The following ATP7B variants were observed in gnomAD, a reference collection of about 807,000 sequenced individuals.
ATP7B encodes the protein ATPase copper transporting beta.
In ATP7B, 113 loss-of-function variants were observed where a neutral mutation model predicts 118.9. The ratio of observed to expected loss-of-function variants is 0.95; its 90% CI spans 0.82 to 1.11. The LOEUF (loss-of-function observed/expected upper bound fraction) is 1.11. Among genes scored for constraint, ATP7B ranks in the 50% most tolerant of loss-of-function variants. The probability of loss-of-function intolerance (pLI) is 0.00; values close to 1 mark genes in which losing one functional copy is unlikely to be tolerated. For missense variants in ATP7B, 1,867 were observed against 1,871.4 expected (o/e 1.00, Z 0.04); for synonymous variants, 777 against 727.4 (o/e 1.07, Z -1.10).
At chr13:51,986,460 A>C (rs1952654798) in intron 1 of ATP7B, among the ~76,000 whole-genome samples, 1 of 152,236 alleles carries the variant, frequency 6.6e-6, no homozygotes, top group Non-Finnish European at 1.5e-5. Context: ...GATCAGGTGG[A>C]TACACAGTCA....
chr13:51,949,612 G>A (rs779233632), intron 12 of ATP7B, 50 bp downstream of exon 12: 2 of 1,598,842 alleles, frequency 1.3e-6, no homozygotes, highest in Non-Finnish European at 1.7e-6. Flanking sequence ...ATCAATGTCA[G>A]TAGATTATTT....
rs72552285 is a variant in ATP7B at position 51,961,859 on chromosome 13, C to G, written c.1924G>C (p.Asp642His). The G allele has an allele frequency of 8.1e-6, 13 of 1,613,994 alleles. No individual in the cohort carries two copies. In the Middle Eastern group the frequency reaches 6.6e-4, roughly 82 times the overall value. ...TACTGCTTTATTTCCATCTTGTGGTCCAAGTGATGAGCGTTGGGGTTTCTC... is the reference window on the plus strand; with the variant it reads ...TACTGCTTTATTTCCATCTTGTGGTGCAAGTGATGAGCGTTGGGGTTTCTC... ...AQRNPNAHHL[D>H]HKMEIKQWKK... Residue 642 changes from aspartate to histidine, a missense_variant, in exon 6 of 21, where the codon GAC becomes CAC. Physicochemically the swap from Asp to His is moderately conservative, Grantham distance 81. Transcript: ENST00000242839.
chr13:51,992,871 T>C (rs1468272114), intron 1 of ATP7B, among the ~76,000 whole-genome samples: 2 of 147,618 alleles, frequency 1.4e-5, no homozygotes, highest in African/African-American at 5.0e-5. Context: ...CCAGCTACTC[T>C]GGAGGCTGAG....
intron 3 of ATP7B, among the ~76,000 whole-genome samples, chr13:51,970,071 TACAA>T (rs1425103994): frequency 6.6e-6 from 1 of 152,226 alleles, no homozygotes; most frequent in African/African-American, 2.4e-5. Flanking sequence ...CTGTTGTTCC[TACAA>T]ACACTCTCTG....
intron 9 of ATP7B, among the ~76,000 whole-genome samples, chr13:51,955,017 T>C (rs536482717): frequency 6.6e-6 from 1 of 152,118 alleles, no homozygotes; most frequent in Non-Finnish European, 1.5e-5. Flanking sequence ...AACTACAGTG[T>C]GCCAGACGGA....
At chr13:52,002,596 GGAGGGGA>G (rs1262318682) in intron 1 of ATP7B, among the ~76,000 whole-genome samples, 2 of 12 alleles carry the variant, frequency 0.17, no homozygotes, top group Non-Finnish European at 0.2. Flanking sequence ...GGAGGGGAGG[GGAGGGGA>G]AGGGAGCAAG....
intron 4 of ATP7B, among the ~76,000 whole-genome samples, chr13:51,968,075 G>A (rs1231892384): frequency 2.6e-5 from 4 of 152,078 alleles, no homozygotes; most frequent in Non-Finnish European, 4.4e-5. Context: ...ATAGTTGCAG[G>A]CATGCTAGCT....
intron 17 of ATP7B, among the ~76,000 whole-genome samples, chr13:51,938,566 A>T (rs945135014): frequency 2.0e-5 from 3 of 152,206 alleles, no homozygotes; most frequent in Admixed American, 2.0e-4. Context: ...ATTTCTAGGA[A>T]TCCAAACTGG....
chr13:51,993,703 A>G (rs544769033), intron 1 of ATP7B, among the ~76,000 whole-genome samples: 27 of 152,338 alleles, frequency 1.8e-4, no homozygotes, highest in Admixed American at 3.9e-4. Flanking sequence ...ATTCTTCTGA[A>G]AAAGCATAAT....
chr13:51,958,613 A>T, intron 7 of ATP7B, 69 bp from the exon 8 acceptor site: 4 of 1,392,210 alleles, frequency 2.9e-6, no homozygotes, highest in Non-Finnish European at 4.1e-6. Flanking sequence ...CACAGGGCCA[A>T]GGGCCCTGGG....
chr13:51,972,658 C>T (rs919105509), intron 2 of ATP7B, among the ~76,000 whole-genome samples: 5 of 152,174 alleles, frequency 3.3e-5, no homozygotes, highest in African/African-American at 1.2e-4. Flanking sequence ...TGTGACACCA[C>T]ACCAGTCTTC....
intron 6 of ATP7B, among the ~76,000 whole-genome samples, chr13:51,960,983 T>A (rs376850202): frequency 6.6e-6 from 1 of 152,016 alleles, no homozygotes; most frequent in Non-Finnish European, 1.5e-5. Context: ...GCTGTTGGAC[T>A]GCTACCCAAG....
At chr13:51,966,312 G>A (rs1951544448) in intron 4 of ATP7B, among the ~76,000 whole-genome samples, 1 of 152,194 alleles carries the variant, frequency 6.6e-6, no homozygotes, top group African/African-American at 2.4e-5. Context: ...CCCCAGATGG[G>A]CTGGCTCCAG....
chr13:51,960,040 G>T, intron 7 of ATP7B, 108 bp downstream of exon 7: 1 of 1,406,386 alleles, frequency 7.1e-7, no homozygotes, highest in South Asian at 1.2e-5. Context: ...CTGCAATAAA[G>T]TGCCATTTAA....
At chr13:51,995,447 G>A (rs1341690775) in intron 1 of ATP7B, 2 of 606,204 alleles carry the variant, frequency 3.3e-6, no homozygotes, top group African/African-American at 4.0e-5. Flanking sequence ...CTTCCTAAAG[G>A]ACCACTGCTT....
chr13:52,000,322 T>C (rs1281652575), intron 1 of ATP7B, among the ~76,000 whole-genome samples: 1 of 152,204 alleles, frequency 6.6e-6, no homozygotes, highest in Non-Finnish European at 1.5e-5. Context: ...TGCTGCTGCA[T>C]CCTCAAATGG....
intron 1 of ATP7B, among the ~76,000 whole-genome samples, chr13:52,000,302 G>C (rs1209689997): frequency 6.6e-6 from 1 of 152,210 alleles, no homozygotes; most frequent in Non-Finnish European, 1.5e-5. Flanking sequence ...TTGCTTCACA[G>C]ATGGTGCCTT....
At chr13:51,958,050 G>T (rs1958469523) in intron 8 of ATP7B, 1 of 529,660 alleles carries the variant, frequency 1.9e-6, no homozygotes, top group Admixed American at 3.2e-5. Context: ...TGTAGGCTCT[G>T]CCCTGAAGGC....
intron 13 of ATP7B, among the ~76,000 whole-genome samples, chr13:51,946,012 G>A (rs964489678): frequency 3.3e-5 from 5 of 152,154 alleles, no homozygotes; most frequent in Non-Finnish European, 5.9e-5. Context: ...TCCTCCTGCT[G>A]CAGTTTCCTC....
Sources: gnomAD v4.1 joint callset for allele counts (sites outside exome capture counted in the v4.1 genomes callset) on GRCh38, gnomAD v4.1.1 for gene constraint, MANE v1.5 for transcripts, NCBI Gene and HGNC (gene_info 2026-07-23, HGNC 2026-07-21) for gene names.